Variants in SENP3 observed in about 807,000 individuals in gnomAD.
The protein encoded by SENP3 is SUMO specific peptidase 3.
In SENP3, 11 loss-of-function variants were observed where a neutral mutation model predicts 66.2. The ratio of observed to expected loss-of-function variants is 0.17; its 90% CI spans 0.10 to 0.28. SENP3 has a LOEUF of 0.28. SENP3 is among the 10% of genes least tolerant of loss of function. The pLI is 1.00. For synonymous variants in SENP3, 292 were observed against 277.6 expected, an observed-to-expected ratio of 1.05 and a Z score of -0.52; for missense variants, 548 against 743.7, an observed-to-expected ratio of 0.74 and a Z score of 3.06.
intron 4 of SENP3, 178 bp from the exon 5 acceptor site, chr17:7,565,262 T>C: frequency 1.2e-6 from 1 of 834,400 alleles, no homozygotes; most frequent in Non-Finnish European, 1.9e-6. Flanking sequence ...TGAAATGTTC[T>C]ACCTGAGTAG....
In SENP3 at chr17:7,571,674, G is replaced by A. The variant is rs10468481; in HGVS notation, c.*191G>A. 170,456 of 492,084 alleles carry A rather than the reference G, an allele frequency of 0.35. 32,701 individuals carry two copies. Among genetic ancestry groups the A allele is most frequent in the Middle Eastern group, 0.51 (885 of 1,742 alleles). 30.5% of individuals were successfully genotyped at this position (492,084 alleles called of 1,614,324 possible). A position where few individuals can be genotyped will look rare whatever the true frequency, so the allele number is the denominator to read the frequency against. On this transcript the variant is annotated 3_prime_UTR_variant, in exon 11 of 11. Coordinates refer to ENST00000321337, the MANE Select transcript of SENP3 (RefSeq NM_015670.6). Reference sequence around the variant, plus strand: ...CTTGTTGATTTCTGATGTGCAGGGGGTGGCTACAGAAAAGCCCCTTTCTTC... The same window carrying A: ...CTTGTTGATTTCTGATGTGCAGGGGATGGCTACAGAAAAGCCCCTTTCTTC...
intron 5 of SENP3, 54 bp downstream of exon 5, chr17:7,565,641 T>A: frequency 6.2e-7 from 1 of 1,612,986 alleles, no homozygotes; most frequent in Non-Finnish European, 8.5e-7. Flanking sequence ...GCAGGGTGTC[T>A]GGGGCCCTCT....
At position 7,563,317 on chromosome 17, in the gene SENP3, G is replaced by C; in HGVS notation, c.241G>C (p.Glu81Gln). 2 of 1,550,664 alleles carry C rather than the reference G, an allele frequency of 1.3e-6. No homozygotes were observed. The highest frequency in any genetic ancestry group is 1.7e-6 in the Non-Finnish European group (2 of 1,146,154). ...DASASEEEEE[E>Q]EEEEDEDEEE... is the part of the protein sequence containing the mutation. ...CTCAGCAAGTGAAGAGGAGGAAGAAGAGGAGGAGGAGGAGGATGAAGATGA... is the reference window on the plus strand; with the variant it reads ...CTCAGCAAGTGAAGAGGAGGAAGAACAGGAGGAGGAGGAGGATGAAGATGA... The change falls in exon 2 of 11, where the codon GAG becomes CAG. Residue 81 changes from glutamate to glutamine, a missense_variant. Glu to Gln is a conservative substitution (Grantham distance 29, BLOSUM62 2). Coordinates refer to ENST00000321337, the MANE Select transcript of SENP3 (RefSeq NM_015670.6).
chr17:7,564,939 CCT>C lies in SENP3; in HGVS notation c.956-14_956-13del, dbSNP rs1293457839. On this transcript the variant is annotated intron_variant, in intron 3 of 10. Coordinates refer to ENST00000321337, the MANE Select transcript of SENP3 (RefSeq NM_015670.6). Reference sequence around the variant, plus strand: ...GGAGAGTCTGGAGGCCTCACCCCCTCCTCTCTCCCTTTCCACCAGGCATCTTG... The same window carrying C: ...GGAGAGTCTGGAGGCCTCACCCCCTCCTCTCCCTTTCCACCAGGCATCTTG... The C allele has an allele frequency of 1.9e-6, 3 of 1,611,680 alleles. No homozygotes were observed. The highest frequency in any genetic ancestry group is 2.5e-6 in the Non-Finnish European group (3 of 1,177,992).
Position 7,570,983 on chromosome 17 carries a change from A to G in SENP3, c.1614+50A>G. The G allele has an allele frequency of 6.4e-7, 1 of 1,556,316 alleles. No homozygotes were observed. Among genetic ancestry groups the G allele is most frequent in the South Asian group, 1.1e-5 (1 of 87,562 alleles). On this transcript the variant is annotated intron_variant, in intron 10 of 10. Coordinates refer to ENST00000321337, the MANE Select transcript of SENP3 (RefSeq NM_015670.6). This position sits in a 1 kb window ranked among gnomAD's most constrained non-coding sequence, Gnocchi z 5.4. Reference sequence around the variant, plus strand: ...CCCTAGCTCTGAAGTCAGTTGGGTTAAAGGGTCGGGAGGCTGTTATGCATC... The same window carrying G: ...CCCTAGCTCTGAAGTCAGTTGGGTTGAAGGGTCGGGAGGCTGTTATGCATC...
At chr17:7,571,306 C>T (rs1567730861) in intron 10 of SENP3, 67 bp from the exon 11 acceptor site, 7 of 1,180,754 alleles carry the variant, frequency 5.9e-6, no homozygotes, top group Admixed American at 1.8e-5. Context: ...AGACACATCT[C>T]ATATGAAATG....
At position 7,570,442 on chromosome 17, in the gene SENP3, C is replaced by G; in HGVS notation, c.1428C>G (p.Arg476=). ...WSLISVDVRR[R]TITYFDSQRT... is the part of the protein sequence containing the mutation. Reference sequence around the variant, plus strand: ...TCATCTCTGTTGATGTGAGGCGACGCACCATCACCTATTTTGACTCGCAGC... The same window carrying G: ...TCATCTCTGTTGATGTGAGGCGACGGACCATCACCTATTTTGACTCGCAGC... Residue 476 remains arginine (R), a synonymous_variant, in exon 8 of 11, where the codon CGC becomes CGG. Coordinates refer to ENST00000321337, the MANE Select transcript of SENP3 (RefSeq NM_015670.6). This position sits in a 1 kb window ranked among gnomAD's most constrained non-coding sequence, Gnocchi z 5.4. 6.2e-7 allele frequency: 1 copy of G among 1,613,802 alleles called. No homozygotes were observed. Among genetic ancestry groups the G allele is most frequent in the Non-Finnish European group, 8.5e-7 (1 of 1,179,876 alleles).
chr17:7,570,996 G>A lies in SENP3; in HGVS notation c.1614+63G>A, dbSNP rs1488970765. 2.8e-6 allele frequency: 4 copies of A among 1,435,348 alleles called. No individual in the cohort carries two copies. The African/African-American group carries it at 4.2e-5, about 15-fold the overall frequency. The allele number at this position is 1,435,348 out of a possible 1,614,324, so 88.9% of individuals were successfully genotyped here. A position where few individuals can be genotyped will look rare whatever the true frequency, so the allele number is the denominator to read the frequency against. On this transcript the variant is annotated intron_variant, in intron 10 of 10. Coordinates refer to ENST00000321337, the MANE Select transcript of SENP3 (RefSeq NM_015670.6). The surrounding 1 kb of genome is among the most constrained non-coding windows in gnomAD (Gnocchi z 5.4). ...GTCAGTTGGGTTAAAGGGTCGGGAG[G>A]CTGTTATGCATCCCCTCATTTGGCT...
rs1397374577 is a variant in SENP3, at chr17:7,563,700, G to T, written c.624G>T (p.Gly208=). ...TAGGTGCTCTCATGGCTGAGGATGG[G>T]GTGAGAGGGTCTCCACCAGTGCCCT... ...GLLGALMAED[G]VRGSPPVPSG... The change falls in exon 2 of 11, where the codon GGG becomes GGT. Residue 208 remains glycine, a synonymous_variant. Transcript: ENST00000321337. The T allele has an allele frequency of 8.1e-6, 13 of 1,612,872 alleles. No individual in the cohort carries two copies. Among genetic ancestry groups the T allele is most frequent in the African/African-American group, 5.3e-5 (4 of 74,918 alleles).
chr17:7,568,682 C>T (rs1054559518), intron 7 of SENP3, among the ~76,000 whole-genome samples: 3 of 152,102 alleles, frequency 2.0e-5, no homozygotes, highest in Non-Finnish European at 2.9e-5. Flanking sequence ...CAGGCCTCTT[C>T]CCGGTACCTT....
At position 7,562,600 on chromosome 17, in the gene SENP3, C is replaced by G. The variant is rs1284116584; in HGVS notation, c.-12+337C>G. Among the ~76,000 whole-genome samples, 1 of 152,246 alleles carries G rather than the reference C, an allele frequency of 6.6e-6. No homozygotes were observed. Among genetic ancestry groups the G allele is most frequent in the Non-Finnish European group, 1.5e-5 (1 of 68,040 alleles). On this transcript the variant is annotated intron_variant, in intron 1 of 10. Coordinates refer to ENST00000321337, the MANE Select transcript of SENP3 (RefSeq NM_015670.6). The surrounding 1 kb of genome is among the most constrained non-coding windows in gnomAD (Gnocchi z 5.0). ...GCATCTGCACTTGAGATGACCGCAG[C>G]CTTCCCATGCCCCCCGTTCATCCAG...
chr17:7,563,683 C>G lies in SENP3; in HGVS notation c.607C>G (p.Leu203Val). The G allele has an allele frequency of 6.2e-7, 1 of 1,612,932 alleles. No individual in the cohort carries two copies. The change falls in exon 2 of 11, where the codon CTC becomes GTC. Residue 203 changes from leucine (L) to valine (V), a missense_variant. Coordinates refer to ENST00000321337, the MANE Select transcript of SENP3 (RefSeq NM_015670.6). Reference sequence around the variant, plus strand: ...ACCCCGGCTGGGTCTGCTAGGTGCTCTCATGGCTGAGGATGGGGTGAGAGG... The same window carrying G: ...ACCCCGGCTGGGTCTGCTAGGTGCTGTCATGGCTGAGGATGGGGTGAGAGG... Reference protein sequence around the residue: ...PPPRLGLLGALMAEDGVRGSP... With the variant: ...PPPRLGLLGAVMAEDGVRGSP...
At chr17:7,564,055 G>C (rs139860832) in intron 2 of SENP3, among the ~76,000 whole-genome samples, 9 of 152,284 alleles carry the variant, frequency 5.9e-5, no homozygotes, top group African/African-American at 2.2e-4. Context: ...GAGCGCAGAT[G>C]AGAAAGGGAG....
In SENP3 at chr17:7,571,488, C is replaced by T. The variant is rs764643728; in HGVS notation, c.*5C>T. Reference sequence around the variant, plus strand: ...CACTGCAAACTCACTGTGTGAGCCTCGTACCCCAGACCCCAAGCCCATAAA... The same window carrying T: ...CACTGCAAACTCACTGTGTGAGCCTTGTACCCCAGACCCCAAGCCCATAAA... On this transcript the variant is annotated 3_prime_UTR_variant, in exon 11 of 11. Coordinates refer to ENST00000321337, the MANE Select transcript of SENP3 (RefSeq NM_015670.6). 6 of 1,608,452 alleles carry T rather than the reference C, an allele frequency of 3.7e-6. No individual in the cohort carries two copies. Among genetic ancestry groups the T allele is most frequent in the East Asian group, 2.2e-5 (1 of 44,804 alleles).
At chr17:7,567,259 T>G (rs1052703503) in intron 7 of SENP3, among the ~76,000 whole-genome samples, 20 of 152,184 alleles carry the variant, frequency 1.3e-4, no homozygotes, top group African/African-American at 4.3e-4. Context: ...CTCACGCCTG[T>G]AATCCCCAGC....
chr17:7,565,103 C>A, intron 4 of SENP3, 33 bp downstream of exon 4: 1 of 1,479,250 alleles, frequency 6.8e-7, no homozygotes, highest in Non-Finnish European at 9.4e-7. Flanking sequence ...GAAAGAAGGG[C>A]TGGGGCCTTG....
chr17:7,565,353 T>C (rs2071259379), intron 4 of SENP3, 87 bp from the exon 5 acceptor site: 5 of 1,501,578 alleles, frequency 3.3e-6, no homozygotes, highest in Non-Finnish European at 3.6e-6. Context: ...GGGAGTCAGT[T>C]AGAATTTGTA....
In SENP3 at chr17:7,564,984, G is replaced by T. The variant is rs1288074511; in HGVS notation, c.981G>T (p.Thr327=). ...VQSILDEFLQ[T]YGSLIPLSTD... is the part of the protein sequence containing the mutation. ...GCATCTTGGACGAATTCCTTCAAAC[G>T]TATGGCAGCCTCATACCCCTCAGCA... Residue 327 remains threonine, a synonymous_variant, in exon 4 of 11, where the codon ACG becomes ACT. Coordinates refer to ENST00000321337, the MANE Select transcript of SENP3 (RefSeq NM_015670.6). 9 of 1,613,268 alleles carry T rather than the reference G, an allele frequency of 5.6e-6. No individual in the cohort carries two copies. Among genetic ancestry groups the T allele is most frequent in the Non-Finnish European group, 6.8e-6 (8 of 1,179,418 alleles).
chr17:7,563,905 G>A (rs2071245590), intron 2 of SENP3, 114 bp downstream of exon 2: 1 of 893,092 alleles, frequency 1.1e-6, no homozygotes, highest in Middle Eastern at 3.5e-4. Context: ...AAGTAGGATG[G>A]AAGAGTGCCG....
Sources: allele counts gnomAD v4.1 joint callset (sites outside exome capture counted in the v4.1 genomes callset), GRCh38; gene constraint gnomAD v4.1.1; non-coding constraint Gnocchi (gnomAD v3.1); transcripts MANE v1.5; gene names NCBI Gene and HGNC (gene_info 2026-07-23, HGNC 2026-07-21).